HK2: variants seen among roughly 807,000 people sequenced by gnomAD.
HK2 encodes the protein hexokinase-2.
A neutral mutation model predicts 92.9 loss-of-function variants in HK2; 42 were observed. That is an observed-to-expected ratio of 0.45 (90% confidence interval 0.35 to 0.58). HK2 has a LOEUF of 0.58. Among genes scored for constraint, HK2 ranks in the 20% least tolerant of loss-of-function variants. The pLI, the probability that HK2 is intolerant of heterozygous loss-of-function variation, is 0.00. For synonymous variants in HK2, 422 were observed against 468.0 expected (o/e 0.90, Z 1.27); for missense variants, 978 against 1,245.1 (o/e 0.79, Z 3.23).
At chr2:74,882,077 C>T in intron 11 of HK2, 43 bp from the exon 12 acceptor site, 1 of 1,604,028 alleles carries the variant, frequency 6.2e-7, no homozygotes, top group Non-Finnish European at 8.5e-7. Context: ...GCAGCCTGCC[C>T]TGCCCAGGGC....
At chr2:74,840,436 C>T (rs1248052583) in intron 1 of HK2, among the ~76,000 whole-genome samples, 1 of 152,038 alleles carries the variant, frequency 6.6e-6, no homozygotes, top group Non-Finnish European at 1.5e-5. Flanking sequence ...AGAAAACTGG[C>T]TTCCTTTGTT....
intron 1 of HK2, among the ~76,000 whole-genome samples, chr2:74,840,016 C>T (rs1447393047): frequency 7.8e-6 from 1 of 128,808 alleles, no homozygotes; most frequent in Non-Finnish European, 1.6e-5. Context: ...AGTACAGTGG[C>T]GTGATCTCAG....
At chr2:74,877,016 T>C in intron 7 of HK2, 150 bp from the exon 8 acceptor site, 1 of 1,020,284 alleles carries the variant, frequency 9.8e-7, no homozygotes, top group Non-Finnish European at 1.5e-6. Context: ...CTCTGAGCCG[T>C]CACCTCTCCA....
chr2:74,839,380 A>G (rs1005293985), intron 1 of HK2, among the ~76,000 whole-genome samples: 3 of 152,102 alleles, frequency 2.0e-5, no homozygotes, highest in African/African-American at 7.2e-5. Flanking sequence ...TGCTGATTGA[A>G]ACCTTAATAA....
chr2:74,871,139 T>A (rs1442692745), intron 3 of HK2, among the ~76,000 whole-genome samples: 1 of 152,194 alleles, frequency 6.6e-6, no homozygotes. Context: ...AACAGATGGC[T>A]GGGCCCCACC....
chr2:74,869,172 G>C (rs1050915847), intron 3 of HK2, among the ~76,000 whole-genome samples: 1 of 151,356 alleles, frequency 6.6e-6, no homozygotes, highest in African/African-American at 2.4e-5. Context: ...AAACTGTTGA[G>C]ATATTAGAAA....
chr2:74,880,780 G>A (rs1689370621), intron 10 of HK2, among the ~76,000 whole-genome samples: 1 of 152,248 alleles, frequency 6.6e-6, no homozygotes, highest in Admixed American at 6.5e-5. Flanking sequence ...AATGCTTACT[G>A]TGTGTCAAAG....
chr2:74,889,939 G>A (rs1025452415), intron 17 of HK2, among the ~76,000 whole-genome samples: 4 of 152,308 alleles, frequency 2.6e-5, no homozygotes, highest in Non-Finnish European at 2.9e-5. Flanking sequence ...GCTGTATAGC[G>A]TACCTTTGAG....
chr2:74,870,385 G>A (rs948694230), intron 3 of HK2, among the ~76,000 whole-genome samples: 4 of 152,048 alleles, frequency 2.6e-5, no homozygotes, highest in Non-Finnish European at 5.9e-5. Flanking sequence ...AGTATTTAAT[G>A]CTTCTTCACG....
At chr2:74,886,137 A>G (rs965699388) in intron 13 of HK2, among the ~76,000 whole-genome samples, 157 bp from the exon 14 acceptor site, 1 of 152,184 alleles carries the variant, frequency 6.6e-6, no homozygotes, top group African/African-American at 2.4e-5. Context: ...GGGTCTCACC[A>G]AAGAGGTGAC....
intron 7 of HK2, among the ~76,000 whole-genome samples, chr2:74,875,982 AG>A: frequency 6.6e-6 from 1 of 152,334 alleles, no homozygotes; most frequent in South Asian, 2.1e-4. Flanking sequence ...TTTCCAAGTA[AG>A]TATCTTCCAA....
chr2:74,842,996 ATTC>A (rs920247825), intron 1 of HK2, among the ~76,000 whole-genome samples: 4 of 152,098 alleles, frequency 2.6e-5, no homozygotes, highest in African/African-American at 9.7e-5. Flanking sequence ...GGGATTTCAT[ATTC>A]TTCTGCTGTG....
intron 8 of HK2, 66 bp from the exon 9 acceptor site, chr2:74,878,622 C>T (rs989234173): frequency 3.8e-6 from 5 of 1,300,674 alleles, no homozygotes; most frequent in Admixed American, 2.0e-5. Context: ...CCTTGCCACC[C>T]CCCGACACAC....
chr2:74,886,816 T>C, intron 15 of HK2, 143 bp downstream of exon 15: 1 of 874,992 alleles, frequency 1.1e-6, no homozygotes. Context: ...GGGTTTCTTG[T>C]CGAATGCACC....
intron 1 of HK2, among the ~76,000 whole-genome samples, chr2:74,841,347 A>T (rs890953673): frequency 4.6e-5 from 7 of 151,764 alleles, no homozygotes; most frequent in African/African-American, 1.7e-4. Context: ...AGCAGAGGCT[A>T]GGAATGTTGC....
chr2:74,876,705 G>A (rs1031684990), intron 7 of HK2, among the ~76,000 whole-genome samples: 2 of 152,146 alleles, frequency 1.3e-5, no homozygotes, highest in African/African-American at 4.8e-5. Flanking sequence ...GCCCATGAAC[G>A]GCTTGCAGGG....
intron 2 of HK2, among the ~76,000 whole-genome samples, chr2:74,867,399 TAA>T (rs151230031): frequency 6.8e-6 from 1 of 147,454 alleles, no homozygotes; most frequent in Non-Finnish European, 1.5e-5. Flanking sequence ...AGTGAGGGAT[TAA>T]AAAAAAAACA....
In HK2 at chr2:74,855,623, T is replaced by C. The variant is rs189260555; in HGVS notation, c.226+1168T>C. Among the ~76,000 whole-genome samples, 570 of 152,280 alleles carry C rather than the reference T, an allele frequency of 3.7e-3. 6 individuals are homozygous for C. Among genetic ancestry groups the C allele is most frequent in the African/African-American group, 7.7e-3 (318 of 41,556 alleles). ...ACGGTGGAGATTCAAGTTGGAAAGG[T>C]CCAGTGGATTAGGGCTAGGTCACTG... On this transcript the variant is annotated intron_variant, in intron 2 of 17. Coordinates refer to ENST00000290573, the MANE Select transcript of HK2 (RefSeq NM_000189.5).
At chr2:74,876,484 C>A (rs1023047411) in intron 7 of HK2, among the ~76,000 whole-genome samples, 29 of 152,216 alleles carry the variant, frequency 1.9e-4, no homozygotes, top group Admixed American at 1.8e-3. Flanking sequence ...AAAATTAAAT[C>A]ACCGGACCGC....
Sources: allele counts gnomAD v4.1 joint callset (sites outside exome capture counted in the v4.1 genomes callset), GRCh38; gene constraint gnomAD v4.1.1; transcripts MANE v1.5; gene names NCBI Gene and HGNC (gene_info 2026-07-23, HGNC 2026-07-21).